The following HOMEZ variants were observed in gnomAD, a reference collection of about 807,000 sequenced individuals.
HOMEZ encodes homeobox and leucine zipper protein Homez.
A neutral mutation model predicts 50.1 loss-of-function variants in HOMEZ; 20 were observed. The observed-to-expected ratio is 0.40, with a 90% confidence interval of 0.28 to 0.58. The LOEUF is 0.58. Among genes scored for constraint, HOMEZ ranks in the 20% least tolerant of loss-of-function variants. The pLI, the probability that HOMEZ is intolerant of heterozygous loss-of-function variation, is 0.46. For synonymous variants in HOMEZ, 239 were observed against 254.7 expected (o/e 0.94, Z 0.59); for missense variants, 579 against 680.5 (o/e 0.85, Z 1.66).
At position 23,273,764 on chromosome 14, in the gene HOMEZ, T is replaced by C. The variant is rs1886270182; in HGVS notation, c.*1811A>G. ...AGGCATTTCTAGATACCTTCTCTTT[T>C]AGGCAAGGGCCTGTCCTGTAGCAAA... On this transcript the variant is annotated 3_prime_UTR_variant, in exon 2 of 2. Coordinates refer to ENST00000357460, the MANE Select transcript of HOMEZ (RefSeq NM_020834.3). The C allele has an allele frequency of 6.6e-6, 1 of 152,082 alleles. No individual in the cohort carries two copies. The highest frequency in any genetic ancestry group is 2.4e-5 in the African/African-American group (1 of 41,452). The allele number at this position is 152,082 out of a possible 1,614,324, so 9.4% of individuals were successfully genotyped here. A position where few individuals can be genotyped will look rare whatever the true frequency, so the allele number is the denominator to read the frequency against.
Position 23,272,621 on chromosome 14 carries a change from A to T in HOMEZ, c.*2954T>A. On this transcript the variant is annotated 3_prime_UTR_variant, in exon 2 of 2. Transcript: ENST00000357460. ...ATCCTTATTATTATCACCATAAGCTACTGAAATGTTCCAGAGATTGTCACA... is the reference window on the plus strand; with the variant it reads ...ATCCTTATTATTATCACCATAAGCTTCTGAAATGTTCCAGAGATTGTCACA... 1 of 593,262 alleles carries T rather than the reference A, an allele frequency of 1.7e-6. No homozygotes were observed. The highest frequency in any genetic ancestry group is 3.0e-6 in the Non-Finnish European group (1 of 334,784). 36.7% of individuals were successfully genotyped at this position (593,262 alleles called of 1,614,324 possible).
Position 23,276,837 on chromosome 14 carries a change from C to A in HOMEZ, c.391G>T (p.Asp131Tyr). 1 of 1,614,024 alleles carries A rather than the reference C, an allele frequency of 6.2e-7. No homozygotes were observed. Among genetic ancestry groups the A allele is most frequent in the Non-Finnish European group, 8.5e-7 (1 of 1,179,900 alleles). Residue 131 changes from aspartate to tyrosine, a missense_variant, in exon 2 of 2, where the codon GAC becomes TAC. Physicochemically the swap from Asp to Tyr is radical, Grantham distance 160. Transcript: ENST00000357460. The surrounding 1 kb of genome is among the most constrained non-coding windows in gnomAD (Gnocchi z 4.1). The part of the protein sequence containing the change: ...ETRARVVYRR[D>Y]QLHFKSLLSF... ...AGAAGGGATTTGAAATGGAGTTGGT[C>A]CCGACGGTAGACTACTCGGGCTCGA...
chr14:23,275,919 T>C lies in HOMEZ; in HGVS notation c.1309A>G (p.Thr437Ala). Residue 437 changes from threonine to alanine, a missense_variant, in exon 2 of 2, where the codon ACA (threonine) becomes GCA (alanine). By Grantham distance (58) the Thr-to-Ala change is moderately conservative. Coordinates refer to ENST00000357460, the MANE Select transcript of HOMEZ (RefSeq NM_020834.3). ...APSFQDPAIP[T>A]PPPSTRSLNE... ...AAGGAGCGGGTTGATGGTGGTGGTG[T>C]AGGAATTGCTGGGTCTTGGAAACTA... The C allele has an allele frequency of 1.2e-6, 2 of 1,606,578 alleles. No individual in the cohort carries two copies. The highest frequency in any genetic ancestry group is 1.7e-6 in the Non-Finnish European group (2 of 1,175,908).
chr14:23,285,571 C>T (rs987922313), intron 1 of HOMEZ: 59 of 241,958 alleles, frequency 2.4e-4, no homozygotes, highest in Non-Finnish European at 4.1e-4. Context: ...GGAAATGTTT[C>T]TCCTATCCTC....
chr14:23,276,594 C>G lies in HOMEZ; in HGVS notation c.634G>C (p.Ala212Pro), dbSNP rs1886366816. The change falls in exon 2 of 2, where the codon GCA (alanine) becomes CCA (proline). Residue 212 changes from alanine to proline, a missense_variant. By Grantham distance (27) the Ala-to-Pro change is conservative (BLOSUM62 -1). Coordinates refer to ENST00000357460, the MANE Select transcript of HOMEZ (RefSeq NM_020834.3). This position sits in a 1 kb window ranked among gnomAD's most constrained non-coding sequence, Gnocchi z 4.1. ...CAAAAATCTGATTGGTAGGGGAATGCTCCACTGCCAGGTGTCATCAGGGAC... is the reference window on the plus strand; with the variant it reads ...CAAAAATCTGATTGGTAGGGGAATGGTCCACTGCCAGGTGTCATCAGGGAC... The part of the protein sequence containing the change: ...KESLMTPGSG[A>P]FPYQSDFWQH... 2 of 1,614,008 alleles carry G rather than the reference C, an allele frequency of 1.2e-6. No homozygotes were observed. Among genetic ancestry groups the G allele is most frequent in the Middle Eastern group, 1.7e-4 (1 of 6,060 alleles).
intron 1 of HOMEZ, among the ~76,000 whole-genome samples, chr14:23,283,724 G>A (rs1440394040): frequency 1.3e-5 from 2 of 152,104 alleles, no homozygotes; most frequent in African/African-American, 2.4e-5. Context: ...GTGAAACCCC[G>A]TCTCTACCAA....
At chr14:23,285,807 C>T (rs1163594500) in intron 1 of HOMEZ, 106 bp downstream of exon 1, 1 of 621,870 alleles carries the variant, frequency 1.6e-6, no homozygotes, top group Non-Finnish European at 2.4e-6. Flanking sequence ...AACCGGGCCA[C>T]TTCGAACCTA....
At chr14:23,282,635 A>G (rs895140878) in intron 1 of HOMEZ, among the ~76,000 whole-genome samples, 1 of 152,224 alleles carries the variant, frequency 6.6e-6, no homozygotes, top group African/African-American at 2.4e-5. Context: ...GATAAGGAAA[A>G]TAAAGCATAA....
Position 23,275,339 on chromosome 14 carries a change from C to A in HOMEZ, c.*236G>T, listed in dbSNP as rs993809135. 10 of 545,844 alleles carry A rather than the reference C, an allele frequency of 1.8e-5. No individual in the cohort carries two copies. The Admixed American group carries it at 3.6e-4, about 19-fold the overall frequency. The allele number at this position is 545,844 out of a possible 1,614,324, so 33.8% of individuals were successfully genotyped here. A position where few individuals can be genotyped will look rare whatever the true frequency, so the allele number is the denominator to read the frequency against. ...GGTTTCCCCAGATCCTTAGCACTCC[C>A]TACCCTAAGGTTAGAGGGTTGGATT... On this transcript the variant is annotated 3_prime_UTR_variant, in exon 2 of 2. Coordinates refer to ENST00000357460, the MANE Select transcript of HOMEZ (RefSeq NM_020834.3).
chr14:23,285,387 G>C (rs1886636134), intron 1 of HOMEZ: 1 of 152,240 alleles, frequency 6.6e-6, no homozygotes, highest in African/African-American at 2.4e-5. Context: ...TCAGTTTCCT[G>C]GTTGGTTCTC....
rs758670338 is a variant in HOMEZ at position 23,276,515 on chromosome 14, T to C, written c.713A>G (p.Asn238Ser). ...LSKEQAGRGP[N>S]QSHGIGTASW... Reference sequence around the variant, plus strand: ...AGCAGTACCTATGCCATGTGACTGGTTGGGACCCCTGCCTGCCTGCTCCTT... The same window carrying C: ...AGCAGTACCTATGCCATGTGACTGGCTGGGACCCCTGCCTGCCTGCTCCTT... The change falls in exon 2 of 2, where the codon AAC (asparagine) becomes AGC (serine). Residue 238 changes from asparagine (N) to serine (S), a missense_variant. Transcript: ENST00000357460. This position sits in a 1 kb window ranked among gnomAD's most constrained non-coding sequence, Gnocchi z 4.1. 8.2e-5 allele frequency: 133 copies of C among 1,613,890 alleles called. 1 individual carries two copies. Among genetic ancestry groups the C allele is most frequent in the South Asian group, 2.5e-4 (23 of 91,084 alleles).
chr14:23,284,398 T>C (rs1886618273), intron 1 of HOMEZ, among the ~76,000 whole-genome samples: 1 of 152,144 alleles, frequency 6.6e-6, no homozygotes, highest in Non-Finnish European at 1.5e-5. Context: ...CTGGCTTAAC[T>C]GAGCCACTGG....
rs774260897 is a variant in HOMEZ at position 23,276,450 on chromosome 14, G to A, written c.778C>T (p.Arg260Trp). 2.5e-5 allele frequency: 41 copies of A among 1,613,956 alleles called. No individual in the cohort carries two copies. The highest frequency in any genetic ancestry group is 6.7e-5 in the Admixed American group (4 of 60,016). Residue 260 changes from arginine to tryptophan, a missense_variant, in exon 2 of 2, where the codon CGG becomes TGG. Physicochemically the swap from Arg to Trp is moderately radical, Grantham distance 101. Transcript: ENST00000357460. This position sits in a 1 kb window ranked among gnomAD's most constrained non-coding sequence, Gnocchi z 4.1. ...AATGCAATTGGTGGGGGTTTATCCCGAGCTTGTGGCTGGGGGACGGTTGTG... is the reference window on the plus strand; with the variant it reads ...AATGCAATTGGTGGGGGTTTATCCCAAGCTTGTGGCTGGGGGACGGTTGTG... ...HSTTVPQPQA[R>W]DKPPPIALIA...
chr14:23,281,914 A>G (rs1199784729), intron 1 of HOMEZ, among the ~76,000 whole-genome samples: 1 of 151,910 alleles, frequency 6.6e-6, no homozygotes, highest in Non-Finnish European at 1.5e-5. Flanking sequence ...GGATTGCTTG[A>G]GCCTGGGAGG....
In HOMEZ at chr14:23,276,600, T is replaced by A. The variant is rs1037886712; in HGVS notation, c.628A>T (p.Ser210Cys). Residue 210 changes from serine to cysteine, a missense_variant, in exon 2 of 2, where the codon AGT becomes TGT. Physicochemically the swap from Ser to Cys is moderately radical, Grantham distance 112 (BLOSUM62 -1). Coordinates refer to ENST00000357460, the MANE Select transcript of HOMEZ (RefSeq NM_020834.3). The surrounding 1 kb of genome is among the most constrained non-coding windows in gnomAD (Gnocchi z 4.1). ...KLKESLMTPG[S>C]GAFPYQSDFW... The stretch of plus-strand genomic sequence containing the variant: ...TCTGATTGGTAGGGGAATGCTCCAC[T>A]GCCAGGTGTCATCAGGGACTCCTTT... The A allele has an allele frequency of 6.2e-7, 1 of 1,614,030 alleles. No homozygotes were observed. The highest frequency in any genetic ancestry group is 1.3e-5 in the African/African-American group (1 of 75,056).
At chr14:23,279,595 A>G (rs1316190278) in intron 1 of HOMEZ, among the ~76,000 whole-genome samples, 1 of 152,210 alleles carries the variant, frequency 6.6e-6, no homozygotes, top group Non-Finnish European at 1.5e-5. Flanking sequence ...TTTACAAGGA[A>G]GTTAAGTTTA....
chr14:23,283,161 A>G (rs529571242), intron 1 of HOMEZ, among the ~76,000 whole-genome samples: 1 of 152,282 alleles, frequency 6.6e-6, no homozygotes, highest in East Asian at 1.9e-4. Context: ...GTGGTGGTGA[A>G]TATCTATTCT....
At position 23,273,097 on chromosome 14, in the gene HOMEZ, G is replaced by A; in HGVS notation, c.*2478C>T. On this transcript the variant is annotated 3_prime_UTR_variant, in exon 2 of 2. Transcript: ENST00000357460. ...GTCTTACAAAAGGCTAGTGCTTCAG[G>A]AAGATGTTTATATCTCTTCCAGAAG... 1 of 404,172 alleles carries A rather than the reference G, an allele frequency of 2.5e-6. No individual in the cohort carries two copies. The highest frequency in any genetic ancestry group is 4.4e-6 in the Non-Finnish European group (1 of 226,878). 25.0% of individuals were successfully genotyped at this position (404,172 alleles called of 1,614,324 possible). A position where few individuals can be genotyped will look rare whatever the true frequency, so the allele number is the denominator to read the frequency against.
At chr14:23,283,721 C>A (rs1360778220) in intron 1 of HOMEZ, among the ~76,000 whole-genome samples, 6 of 152,114 alleles carry the variant, frequency 3.9e-5, no homozygotes, top group Non-Finnish European at 8.8e-5. Context: ...ATGGTGAAAC[C>A]CCGTCTCTAC....
Sources: allele counts gnomAD v4.1 joint callset (sites outside exome capture counted in the v4.1 genomes callset), GRCh38; gene constraint gnomAD v4.1.1; non-coding constraint Gnocchi (gnomAD v3.1); transcripts MANE v1.5; gene names NCBI Gene and HGNC (gene_info 2026-07-23, HGNC 2026-07-21).